Variants in TMOD3 observed in about 807,000 individuals in gnomAD.
The protein encoded by TMOD3 is tropomodulin-3.
In TMOD3, 20 loss-of-function variants were observed where a neutral mutation model predicts 39.2. That is an observed-to-expected ratio of 0.51 (90% CI 0.36 to 0.74). The LOEUF is 0.74. TMOD3 is among the 30% of genes least tolerant of loss of function. TMOD3 has a pLI of 0.00. For missense variants in TMOD3, 381 were observed against 412.8 expected (o/e 0.92, Z 0.67); for synonymous variants, 143 against 145.8 (o/e 0.98, Z 0.14).
chr15:51,832,448 A>G (rs937245306), intron 1 of TMOD3, among the ~76,000 whole-genome samples: 3 of 151,786 alleles, frequency 2.0e-5, no homozygotes, highest in African/African-American at 7.3e-5. Flanking sequence ...TACTGTCTAT[A>G]CTGTTTGAAT....
rs34898032 is a variant in TMOD3, at chr15:51,875,611, C to CTT, written c.283+6256_283+6257dup. Among the ~76,000 whole-genome samples, 298 of 116,064 alleles carry CTT rather than the reference C, an allele frequency of 2.6e-3. 11 individuals are homozygous for CTT. Among genetic ancestry groups the CTT allele is most frequent in the South Asian group, 3.6e-3 (13 of 3,580 alleles). The allele number at this position is 116,064 out of a possible 152,430, so 76.1% of individuals were successfully genotyped here. ...TGATTTACATACCGTAAAGTACTGCCTTTTTTTTTTTTTTTTTTTCCTGAG... is the reference window on the plus strand; with the variant it reads ...TGATTTACATACCGTAAAGTACTGCCTTTTTTTTTTTTTTTTTTTTTCCTGAG... On this transcript the variant is annotated intron_variant, in intron 3 of 9. Coordinates refer to ENST00000308580, the MANE Select transcript of TMOD3 (RefSeq NM_014547.5).
At chr15:51,876,930 G>A (rs1427512934) in intron 3 of TMOD3, among the ~76,000 whole-genome samples, 3 of 152,124 alleles carry the variant, frequency 2.0e-5, no homozygotes, top group African/African-American at 4.8e-5. Context: ...GGATGCGGTG[G>A]TGTGTGCCTG....
chr15:51,858,941 G>T (rs1037348570), intron 1 of TMOD3, among the ~76,000 whole-genome samples: 21 of 152,132 alleles, frequency 1.4e-4, no homozygotes, highest in African/African-American at 4.6e-4. Context: ...GGAGTCTGAG[G>T]CAGGAAGGTC....
intron 3 of TMOD3, among the ~76,000 whole-genome samples, chr15:51,876,371 G>A (rs1385540441): frequency 3.3e-5 from 5 of 151,366 alleles, no homozygotes; most frequent in Non-Finnish European, 7.4e-5. Context: ...GTCTTGCTAT[G>A]TTGTTCTCAA....
chr15:51,880,495 C>A (rs1357527937), intron 3 of TMOD3, among the ~76,000 whole-genome samples: 1 of 152,176 alleles, frequency 6.6e-6, no homozygotes, highest in Non-Finnish European at 1.5e-5. Context: ...AGCCTTCATC[C>A]CCATTCCATT....
chr15:51,857,098 GAAC>G (rs781340976), intron 1 of TMOD3, among the ~76,000 whole-genome samples: 13 of 152,104 alleles, frequency 8.5e-5, no homozygotes, highest in Non-Finnish European at 1.9e-4. Flanking sequence ...TCAAAACAAT[GAAC>G]AACATTAAAT....
chr15:51,878,382 G>A (rs2141694665), intron 3 of TMOD3, among the ~76,000 whole-genome samples: 1 of 151,004 alleles, frequency 6.6e-6, no homozygotes, highest in East Asian at 2.0e-4. Context: ...ATATATGTGT[G>A]TGTGTGTGTG....
At chr15:51,899,880 G>A (rs1354289322) in intron 7 of TMOD3, among the ~76,000 whole-genome samples, 2 of 152,106 alleles carry the variant, frequency 1.3e-5, no homozygotes, top group African/African-American at 2.4e-5. Flanking sequence ...AAGTATACAG[G>A]AGCATGTGTG....
At chr15:51,834,566 C>T (rs933323265) in intron 1 of TMOD3, among the ~76,000 whole-genome samples, 1 of 152,124 alleles carries the variant, frequency 6.6e-6, no homozygotes, top group Non-Finnish European at 1.5e-5. Context: ...CACAGTGGCT[C>T]ACACCTGTAA....
intron 1 of TMOD3, among the ~76,000 whole-genome samples, chr15:51,842,664 C>G (rs1343009596): frequency 6.6e-6 from 1 of 152,162 alleles, no homozygotes; most frequent in Admixed American, 6.5e-5. Flanking sequence ...AGAATTGACT[C>G]TCTTTTGCCC....
At chr15:51,894,582 C>T (rs1409403547) in intron 6 of TMOD3, among the ~76,000 whole-genome samples, 2 of 152,138 alleles carry the variant, frequency 1.3e-5, no homozygotes, top group Non-Finnish European at 2.9e-5. Flanking sequence ...CATTCTCTGA[C>T]CCCCAGCTCT....
Position 51,881,550 on chromosome 15 carries a change from C to CTTTTTTTTTTTT in TMOD3, c.284-6022_284-6011dup, listed in dbSNP as rs753814979. Among the ~76,000 whole-genome samples the CTTTTTTTTTTTT allele has an allele frequency of 6.1e-3, 375 of 61,846 alleles. 17 individuals are homozygous for CTTTTTTTTTTTT. Among genetic ancestry groups the CTTTTTTTTTTTT allele is most frequent in the African/African-American group, 7.1e-3 (104 of 14,600 alleles). 40.6% of individuals were successfully genotyped at this position (61,846 alleles called of 152,430 possible). On this transcript the variant is annotated intron_variant, in intron 3 of 9. Coordinates refer to ENST00000308580, the MANE Select transcript of TMOD3 (RefSeq NM_014547.5). ...ACGGAGATACAATCTTTCTTTATTT[C>CTTTTTTTTTTTT]TTTTTTTTTTTTTTTTTTTTTTTTT...
Position 51,908,860 on chromosome 15 carries a change from C to A in TMOD3, c.*50C>A. ...AGACTTCAGAAGATCACCAAGGGCT[C>A]ATGTTGGTGACATCATGTAAAATTT... On this transcript the variant is annotated 3_prime_UTR_variant, in exon 10 of 10. Transcript: ENST00000308580. 3 of 1,489,856 alleles carry A rather than the reference C, an allele frequency of 2.0e-6. No homozygotes were observed. The highest frequency in any genetic ancestry group is 1.8e-6 in the Non-Finnish European group (2 of 1,103,426). 92.3% of individuals were successfully genotyped at this position (1,489,856 alleles called of 1,614,324 possible).
At chr15:51,842,529 C>A (rs2056317193) in intron 1 of TMOD3, among the ~76,000 whole-genome samples, 1 of 152,134 alleles carries the variant, frequency 6.6e-6, no homozygotes, top group South Asian at 2.1e-4. Context: ...TGGTTACTTA[C>A]AAGTGCCCTG....
intron 1 of TMOD3, among the ~76,000 whole-genome samples, chr15:51,840,355 G>T (rs190765163): frequency 4.1e-4 from 63 of 152,278 alleles, no homozygotes; most frequent in African/African-American, 1.4e-3. Flanking sequence ...CTAATGAAGT[G>T]TTCCTTAAAA....
At chr15:51,881,040 T>A (rs1478490368) in intron 3 of TMOD3, among the ~76,000 whole-genome samples, 6 of 152,226 alleles carry the variant, frequency 3.9e-5, no homozygotes, top group African/African-American at 7.2e-5. Flanking sequence ...GTGGTTTTGA[T>A]TTGCATTTCC....
chr15:51,873,734 A>G (rs1395531472), intron 3 of TMOD3, among the ~76,000 whole-genome samples: 2 of 151,552 alleles, frequency 1.3e-5, no homozygotes, highest in Non-Finnish European at 2.9e-5. Context: ...TGGAGATGGA[A>G]TCTCACTCTG....
intron 1 of TMOD3, among the ~76,000 whole-genome samples, chr15:51,847,996 C>T (rs2056344108): frequency 1.3e-5 from 2 of 152,014 alleles, no homozygotes; most frequent in African/African-American, 4.8e-5. Context: ...GGATTCATGC[C>T]ATTATAAAAG....
intron 1 of TMOD3, among the ~76,000 whole-genome samples, chr15:51,831,604 GAT>G (rs1218417507): frequency 6.6e-6 from 1 of 151,840 alleles, no homozygotes; most frequent in Non-Finnish European, 1.5e-5. Context: ...ACTGATATTA[GAT>G]ACATAATTGA....
Sources: gnomAD v4.1 joint callset for allele counts (sites outside exome capture counted in the v4.1 genomes callset) on GRCh38, gnomAD v4.1.1 for gene constraint, MANE v1.5 for transcripts, NCBI Gene and HGNC (gene_info 2026-07-23, HGNC 2026-07-21) for gene names.